The following CADPS variants were observed in gnomAD, a reference collection of about 807,000 sequenced individuals.
CADPS encodes the protein calcium dependent secretion activator.
In CADPS, 57 loss-of-function variants were observed where a neutral mutation model predicts 167.3. The ratio of observed to expected loss-of-function variants is 0.34; its 90% confidence interval spans 0.28 to 0.42. CADPS has a LOEUF of 0.42. Ranked by LOEUF, CADPS falls within the 20% of genes least tolerant of loss-of-function variation. The pLI is 1.00. For missense variants in CADPS, 1,414 were observed against 1,738.1 expected, an observed-to-expected ratio of 0.81 and a Z score of 3.32; for synonymous variants, 676 against 635.3, an observed-to-expected ratio of 1.06 and a Z score of -0.96.
chr3:62,712,556 A>T (rs2083603126), intron 3 of CADPS, among the ~76,000 whole-genome samples: 1 of 152,218 alleles, frequency 6.6e-6, no homozygotes, highest in Non-Finnish European at 1.5e-5. Flanking sequence ...ATGATGAATT[A>T]AAAATGAAGC....
intron 1 of CADPS, among the ~76,000 whole-genome samples, chr3:62,809,436 T>C (rs2094287515): frequency 1.3e-5 from 2 of 152,174 alleles, no homozygotes; most frequent in Admixed American, 1.3e-4. Flanking sequence ...TCTCAGGGTT[T>C]GTCCTTTCTC....
intron 18 of CADPS, among the ~76,000 whole-genome samples, chr3:62,497,295 CT>C (rs773846510): frequency 4.3e-4 from 66 of 152,272 alleles, no homozygotes; most frequent in Admixed American, 1.0e-3. Flanking sequence ...CTCTGATTCA[CT>C]TAAAAGCACA....
chr3:62,642,061 T>C (rs2067535248), intron 6 of CADPS, among the ~76,000 whole-genome samples: 1 of 151,788 alleles, frequency 6.6e-6, no homozygotes, highest in Non-Finnish European at 1.5e-5. Flanking sequence ...TAACATACTC[T>C]TAGACAAATT....
intron 17 of CADPS, among the ~76,000 whole-genome samples, chr3:62,509,656 T>G (rs75771010): frequency 0.014 from 2,187 of 152,284 alleles, 52 homozygotes; most frequent in African/African-American, 0.048. Flanking sequence ...AAGTCCTCAG[T>G]TCTTGGACAA....
At chr3:62,619,132 A>T (rs1201051432) in intron 6 of CADPS, among the ~76,000 whole-genome samples, 5 of 152,350 alleles carry the variant, frequency 3.3e-5, no homozygotes, top group East Asian at 1.9e-4. Context: ...AACAGTTGCA[A>T]CTAAGATTGT....
Position 62,478,440 on chromosome 3 carries a change from TGA to T in CADPS, c.3174-26_3174-25del. Reference sequence around the variant, plus strand: ...TACTGGCAGGACAAAAATTAGAAAATGAGAGTCACCCACTGGCCTCAGGCTCT... The same window carrying T: ...TACTGGCAGGACAAAAATTAGAAAATGAGTCACCCACTGGCCTCAGGCTCT... On this transcript the variant is annotated intron_variant, in intron 22 of 29. Transcript: ENST00000383710. The surrounding 1 kb of genome is among the most constrained non-coding windows in gnomAD (Gnocchi z 5.7). 1 of 1,605,558 alleles carries T rather than the reference TGA, an allele frequency of 6.2e-7. No individual in the cohort carries two copies. The highest frequency in any genetic ancestry group is 8.5e-7 in the Non-Finnish European group (1 of 1,175,376).
chr3:62,548,342 G>C (rs1332126262), intron 11 of CADPS, among the ~76,000 whole-genome samples: 1 of 152,132 alleles, frequency 6.6e-6, no homozygotes, highest in Non-Finnish European at 1.5e-5. Flanking sequence ...GAATACAAGA[G>C]TGGAGAACTT....
chr3:62,418,767 T>C (rs2050718295), intron 28 of CADPS, among the ~76,000 whole-genome samples: 5 of 151,942 alleles, frequency 3.3e-5, no homozygotes, highest in Non-Finnish European at 7.4e-5. Context: ...AAATATACCT[T>C]CCCCCCTCTA....
chr3:62,796,604 G>T (rs541628825), intron 1 of CADPS, among the ~76,000 whole-genome samples: 1 of 152,264 alleles, frequency 6.6e-6, no homozygotes, highest in East Asian at 1.9e-4. Flanking sequence ...AGCAGAGAGA[G>T]TCTAGGCATG....
At chr3:62,550,857 T>G (rs1385778242) in intron 10 of CADPS, 1 of 456,566 alleles carries the variant, frequency 2.2e-6, no homozygotes, top group Non-Finnish European at 4.4e-6. Context: ...ATCAGCAGCA[T>G]TTGCACTCCC....
intron 3 of CADPS, among the ~76,000 whole-genome samples, chr3:62,713,014 G>T (rs1387461106): frequency 2.0e-5 from 3 of 152,144 alleles, no homozygotes; most frequent in Admixed American, 2.0e-4. Flanking sequence ...CATGGTGAAG[G>T]AATTGCTAAT....
intron 6 of CADPS, among the ~76,000 whole-genome samples, chr3:62,624,928 C>T (rs1209939258): frequency 3.3e-5 from 5 of 152,024 alleles, no homozygotes; most frequent in Admixed American, 6.6e-5. Flanking sequence ...TGACCCAGGA[C>T]GAGCCAATCA....
At chr3:62,774,182 AAGAAG>A (rs1202475678) in intron 1 of CADPS, among the ~76,000 whole-genome samples, 1 of 152,144 alleles carries the variant, frequency 6.6e-6, no homozygotes, top group Non-Finnish European at 1.5e-5. Context: ...AGGGGACGAA[AAGAAG>A]AGAAGGAGAA....
At position 62,864,931 on chromosome 3, in the gene CADPS, T is replaced by G. The variant is rs144542524; in HGVS notation, c.441+9658A>C. On this transcript the variant is annotated intron_variant, in intron 1 of 29. Transcript: ENST00000383710. ...ATCAGGAAGGCCATCTAAAATGACT[T>G]TACATACTTTTTCTACAGGATCTAG... 3.9e-5 allele frequency among the ~76,000 whole-genome samples: 6 copies of G among 152,264 alleles called. No individual in the cohort carries two copies. The East Asian group carries it at 1.2e-3, about 29-fold the overall frequency.
chr3:62,494,829 G>A (rs11491391), intron 18 of CADPS, among the ~76,000 whole-genome samples: 1 of 151,278 alleles, frequency 6.6e-6, no homozygotes, highest in Non-Finnish European at 1.5e-5. Flanking sequence ...TTGTTTGTTT[G>A]TTTTTGTATT....
chr3:62,578,996 G>A (rs865868686), intron 8 of CADPS, among the ~76,000 whole-genome samples: 1 of 152,154 alleles, frequency 6.6e-6, no homozygotes, highest in Admixed American at 6.6e-5. Flanking sequence ...TAGAACAGTG[G>A]TACAGCTACA....
At chr3:62,788,314 C>T (rs750743777) in intron 1 of CADPS, among the ~76,000 whole-genome samples, 93 of 152,150 alleles carry the variant, frequency 6.1e-4, no homozygotes, top group Non-Finnish European at 1.2e-3. Flanking sequence ...ACTTCAATTT[C>T]CTCTAGAGTT....
chr3:62,832,074 T>C (rs1310814301), intron 1 of CADPS, among the ~76,000 whole-genome samples: 1 of 152,212 alleles, frequency 6.6e-6, no homozygotes, highest in East Asian at 1.9e-4. Context: ...TAGGTAAGCA[T>C]GCATGGAAAT....
chr3:62,513,910 G>A (rs1438036938), intron 16 of CADPS, among the ~76,000 whole-genome samples: 1 of 151,992 alleles, frequency 6.6e-6, no homozygotes, highest in Non-Finnish European at 1.5e-5. Context: ...TCACGAGAGA[G>A]ATTGTGACCA....
Sources: allele counts gnomAD v4.1 joint callset (sites outside exome capture counted in the v4.1 genomes callset), GRCh38; gene constraint gnomAD v4.1.1; non-coding constraint Gnocchi (gnomAD v3.1); transcripts MANE v1.5; gene names NCBI Gene and HGNC (gene_info 2026-07-23, HGNC 2026-07-21).